PLXNA4: variants seen among roughly 807,000 people sequenced by gnomAD.
The protein encoded by PLXNA4 is plexin A4.
In PLXNA4, 44 loss-of-function variants were observed where a neutral mutation model predicts 191.8. The observed-to-expected ratio is 0.23, with a 90% CI of 0.18 to 0.29. The LOEUF is 0.29. Ranked by LOEUF, PLXNA4 falls within the 10% of genes least tolerant of loss-of-function variation. The pLI, the probability that PLXNA4 is intolerant of heterozygous loss-of-function variation, is 1.00. For synonymous variants in PLXNA4, 1,082 were observed against 1,009.5 expected (o/e 1.07, Z -1.36); for missense variants, 1,800 against 2,488.8 (o/e 0.72, Z 5.89).
chr7:132,305,324 G>A (rs1302287796), intron 3 of PLXNA4, among the ~76,000 whole-genome samples: 5 of 150,510 alleles, frequency 3.3e-5, no homozygotes, highest in African/African-American at 1.2e-4. Context: ...TGTTCAGTGT[G>A]CACTGCACTA....
intron 3 of PLXNA4, among the ~76,000 whole-genome samples, chr7:132,481,009 C>A (rs762635135): frequency 6.6e-6 from 1 of 152,118 alleles, no homozygotes; most frequent in Non-Finnish European, 1.5e-5. Context: ...CACTTCCATG[C>A]AAGCAAAGCT....
intron 4 of PLXNA4, among the ~76,000 whole-genome samples, chr7:132,282,961 C>T (rs1414600403): frequency 2.6e-5 from 4 of 152,008 alleles, no homozygotes; most frequent in South Asian, 2.1e-4. Flanking sequence ...ACTGCAGCCT[C>T]GATCTCCTGG....
At chr7:132,329,298 G>A (rs1802496964) in intron 3 of PLXNA4, among the ~76,000 whole-genome samples, 1 of 152,162 alleles carries the variant, frequency 6.6e-6, no homozygotes, top group Non-Finnish European at 1.5e-5. Context: ...AGGCTGTTCT[G>A]GGGTCTCCCC....
At chr7:132,176,001 C>G (rs1189238566) in intron 20 of PLXNA4, among the ~76,000 whole-genome samples, 1 of 152,116 alleles carries the variant, frequency 6.6e-6, no homozygotes, top group Non-Finnish European at 1.5e-5. Flanking sequence ...AAAAGCAAGC[C>G]CAGCGCCCAG....
At chr7:132,305,355 A>G (rs1253674394) in intron 3 of PLXNA4, among the ~76,000 whole-genome samples, 1 of 128,332 alleles carries the variant, frequency 7.8e-6, no homozygotes, top group African/African-American at 3.0e-5. Context: ...CATGCAGCTT[A>G]CCAAGAACAC....
chr7:132,450,206 T>G (rs1050309673), intron 3 of PLXNA4, among the ~76,000 whole-genome samples: 1 of 152,176 alleles, frequency 6.6e-6, no homozygotes, highest in African/African-American at 2.4e-5. Flanking sequence ...CAGGAGGCTG[T>G]GGCTCTTTCT....
At chr7:132,162,697 C>T (rs558177968) in intron 24 of PLXNA4, among the ~76,000 whole-genome samples, 5 of 152,180 alleles carry the variant, frequency 3.3e-5, no homozygotes, top group South Asian at 2.1e-4. Flanking sequence ...TCCAAGCAGA[C>T]GGTAACTGCC....
intron 1 of PLXNA4, among the ~76,000 whole-genome samples, chr7:132,512,341 A>G (rs188094960): frequency 6.6e-6 from 1 of 152,316 alleles, no homozygotes; most frequent in Admixed American, 6.5e-5. Flanking sequence ...TGAGATGAAG[A>G]ATCCTATAAT....
At position 132,265,827 on chromosome 7, in the gene PLXNA4, CA is replaced by C. The variant is rs1271874912; in HGVS notation, c.1504-24662del. Reference sequence around the variant, plus strand: ...GTCATCTAGAAGCCAGCAGCCAGTGCAGGATGGGGGTCCCAAAGGGCTTGGG... The same window carrying C: ...GTCATCTAGAAGCCAGCAGCCAGTGCGGATGGGGGTCCCAAAGGGCTTGGG... On this transcript the variant is annotated intron_variant, in intron 4 of 31. Coordinates refer to ENST00000321063, the MANE Select transcript of PLXNA4 (RefSeq NM_020911.2). 2.0e-5 allele frequency among the ~76,000 whole-genome samples: 3 copies of C among 152,298 alleles called. No homozygotes were observed. The East Asian group carries it at 5.8e-4, about 29-fold the overall frequency.
intron 1 of PLXNA4, among the ~76,000 whole-genome samples, chr7:132,573,015 G>A (rs114993276): frequency 0.016 from 2,491 of 151,816 alleles, 73 homozygotes; most frequent in African/African-American, 0.057. Context: ...TTGGAGTGCC[G>A]CAAATTTGAG....
intron 14 of PLXNA4, among the ~76,000 whole-genome samples, chr7:132,192,537 G>C (rs1797125259): frequency 1.3e-5 from 2 of 151,000 alleles, no homozygotes; most frequent in African/African-American, 2.4e-5. Context: ...GAGAGAGATG[G>C]AGGCGAGGGG....
intron 3 of PLXNA4, among the ~76,000 whole-genome samples, chr7:132,424,822 G>A (rs1159166444): frequency 1.3e-5 from 2 of 152,140 alleles, no homozygotes; most frequent in African/African-American, 2.4e-5. Context: ...GGAAAAAAAC[G>A]AGGTTCTGCT....
upstream of PLXNA4, among the ~76,000 whole-genome samples, chr7:132,579,799 G>A (rs952283339): frequency 2.6e-5 from 4 of 152,126 alleles, no homozygotes; most frequent in Admixed American, 6.5e-5. Context: ...TGAATAACAC[G>A]GTAAAAGGCA....
At chr7:132,533,886 C>T (rs985072435) in intron 1 of PLXNA4, among the ~76,000 whole-genome samples, 3 of 152,060 alleles carry the variant, frequency 2.0e-5, no homozygotes, top group Non-Finnish European at 4.4e-5. Context: ...AGAACCAGAC[C>T]CCTGTGGGGT....
chr7:132,514,480 T>G lies in PLXNA4; in HGVS notation c.-86-5701A>C, dbSNP rs111532984. On this transcript the variant is annotated intron_variant, in intron 1 of 31. Transcript: ENST00000321063. Reference sequence around the variant, plus strand: ...ACTTGGCTGGGCCACGGTGCCCAGATAGTTGGTCAAACATTATTCTGGAAG... The same window carrying G: ...ACTTGGCTGGGCCACGGTGCCCAGAGAGTTGGTCAAACATTATTCTGGAAG... 8.6e-3 allele frequency among the ~76,000 whole-genome samples: 1,316 copies of G among 152,318 alleles called. 37 individuals carry two copies. The highest frequency in any genetic ancestry group is 0.03 in the African/African-American group (1,256 of 41,566).
At chr7:132,434,971 G>T (rs1795412487) in intron 3 of PLXNA4, among the ~76,000 whole-genome samples, 1 of 152,196 alleles carries the variant, frequency 6.6e-6, no homozygotes, top group South Asian at 2.1e-4. Flanking sequence ...ACCCTGGGAA[G>T]AGACACAGGG....
At chr7:132,155,114 A>G (rs1795753791) in intron 25 of PLXNA4, among the ~76,000 whole-genome samples, 1 of 152,234 alleles carries the variant, frequency 6.6e-6, no homozygotes, top group Non-Finnish European at 1.5e-5. Flanking sequence ...GAGCCACAAG[A>G]CAGAGAGAGG....
Position 132,386,027 on chromosome 7 carries a change from A to G in PLXNA4, c.1372-87805T>C, listed in dbSNP as rs1805122752. ...TCTGTGATTTTTAAACTTAATTAGC[A>G]TTTAGTAAAGATGGCATGATGTTCC... is the stretch of plus-strand genomic sequence containing the variant. On this transcript the variant is annotated intron_variant, in intron 3 of 31. Coordinates refer to ENST00000321063, the MANE Select transcript of PLXNA4 (RefSeq NM_020911.2). Among the ~76,000 whole-genome samples the G allele has an allele frequency of 2.0e-5, 3 of 152,194 alleles. 1 individual carries two copies. In the South Asian group the frequency reaches 6.2e-4, roughly 31 times the overall value.
chr7:132,605,773 C>A (rs560795105), intron 2 of PLXNA4, among the ~76,000 whole-genome samples: 86 of 152,106 alleles, frequency 5.7e-4, no homozygotes, highest in Non-Finnish European at 1.1e-3. Context: ...GAACCCTAAT[C>A]CAATATGGTT....
Sources: gnomAD v4.1 joint callset for allele counts (sites outside exome capture counted in the v4.1 genomes callset) on GRCh38, gnomAD v4.1.1 for gene constraint, MANE v1.5 for transcripts, NCBI Gene and HGNC (gene_info 2026-07-23, HGNC 2026-07-21) for gene names.